Variants in PHACTR1 observed in about 807,000 individuals in gnomAD.
The protein encoded by PHACTR1 is phosphatase and actin regulator 1.
PHACTR1 carries 16 observed loss-of-function variants against 69.2 expected under a neutral mutation model. The observed-to-expected ratio is 0.23, with a 90% CI of 0.16 to 0.35. PHACTR1 has a LOEUF of 0.35. Ranked by LOEUF, PHACTR1 falls within the 10% of genes least tolerant of loss-of-function variation. The pLI is 1.00. For missense variants in PHACTR1, 510 were observed against 734.7 expected (o/e 0.69, Z 3.54); for synonymous variants, 312 against 284.5 (o/e 1.10, Z -0.97).
intron 4 of PHACTR1, among the ~76,000 whole-genome samples, chr6:12,831,664 A>G (rs1320201546): frequency 6.6e-6 from 1 of 152,136 alleles, no homozygotes; most frequent in Non-Finnish European, 1.5e-5. Flanking sequence ...TCCTTGACTG[A>G]CACAACAAGA....
intron 4 of PHACTR1, among the ~76,000 whole-genome samples, chr6:13,018,923 G>C (rs1297795238): frequency 3.3e-5 from 5 of 152,040 alleles, no homozygotes; most frequent in Non-Finnish European, 4.4e-5. Flanking sequence ...CTGTTGCCCA[G>C]GCTGGAGTGC....
intron 5 of PHACTR1, among the ~76,000 whole-genome samples, chr6:13,141,269 C>T (rs775606867): frequency 6.6e-6 from 1 of 152,176 alleles, no homozygotes; most frequent in Non-Finnish European, 1.5e-5. Context: ...CAGACCTTTA[C>T]TCAGATCAAC....
chr6:12,827,039 C>A (rs1253733047), intron 4 of PHACTR1, among the ~76,000 whole-genome samples: 1 of 152,196 alleles, frequency 6.6e-6, no homozygotes, highest in African/African-American at 2.4e-5. Flanking sequence ...TTCCCTCACT[C>A]GTTATCGTCC....
chr6:13,103,018 TAAG>T (rs1180456154), intron 5 of PHACTR1, among the ~76,000 whole-genome samples: 1 of 152,220 alleles, frequency 6.6e-6, no homozygotes, highest in African/African-American at 2.4e-5. Flanking sequence ...TTCTGGAACT[TAAG>T]AGGCTCAGTT....
chr6:13,165,811 T>C (rs1759715617), intron 6 of PHACTR1, among the ~76,000 whole-genome samples: 2 of 152,172 alleles, frequency 1.3e-5, no homozygotes, highest in Non-Finnish European at 2.9e-5. Context: ...ACTTCATTCA[T>C]GAGCCCTTAA....
At chr6:12,799,821 T>C (rs1187084019) in intron 4 of PHACTR1, among the ~76,000 whole-genome samples, 2 of 152,208 alleles carry the variant, frequency 1.3e-5, no homozygotes, top group African/African-American at 4.8e-5. Flanking sequence ...CTGTTACAGA[T>C]ATATTCACAA....
At chr6:13,149,831 A>AT (rs34449513) in intron 5 of PHACTR1, among the ~76,000 whole-genome samples, 68,004 of 145,730 alleles carry the variant, frequency 0.47, 15,812 homozygotes, top group African/African-American at 0.54. Context: ...TTTTTTTGCG[A>AT]TTTTTTTTTT....
Position 13,053,467 on chromosome 6 carries a change from G to C in PHACTR1, c.353G>C (p.Arg118Thr). The C allele has an allele frequency of 6.2e-7, 1 of 1,613,870 alleles. No individual in the cohort carries two copies. Among genetic ancestry groups the C allele is most frequent in the Admixed American group, 1.7e-5 (1 of 59,994 alleles). The change falls in exon 5 of 15, where the codon AGG (arginine) becomes ACG (threonine). Residue 118 changes from arginine (R) to threonine (T), a missense_variant. Physicochemically the swap from Arg to Thr is moderately conservative, Grantham distance 71 (BLOSUM62 -1). This residue lies in a region of PHACTR1 where 419 missense variants were observed against 530.9 expected (regional missense o/e 0.79). Transcript: ENST00000332995. ...AGAAGTAAGTTTGCCAACCTGGGAA[G>C]GATTTTCAAGCCTTGGAAATGGAGG... ...RRRSKFANLGRIFKPWKWRKK... is the reference protein window; with the variant it reads ...RRRSKFANLGTIFKPWKWRKK...
chr6:12,876,659 AC>A (rs1017770625), intron 4 of PHACTR1, among the ~76,000 whole-genome samples: 1 of 152,242 alleles, frequency 6.6e-6, no homozygotes, highest in African/African-American at 2.4e-5. Context: ...ATACACATCA[AC>A]AAAAAAAAGT....
At chr6:12,734,398 C>T (rs1320386166) in intron 3 of PHACTR1, among the ~76,000 whole-genome samples, 7 of 152,120 alleles carry the variant, frequency 4.6e-5, no homozygotes, top group Non-Finnish European at 1.0e-4. Flanking sequence ...TTGCCAAATA[C>T]TGCTTGAATT....
chr6:13,133,703 T>C (rs371695801), intron 5 of PHACTR1, among the ~76,000 whole-genome samples: 5 of 152,186 alleles, frequency 3.3e-5, no homozygotes, highest in East Asian at 3.9e-4. Flanking sequence ...TTGCAGCCTC[T>C]GCCTGGCTGC....
intron 4 of PHACTR1, among the ~76,000 whole-genome samples, chr6:12,849,643 A>G (rs1218670415): frequency 6.6e-6 from 1 of 152,110 alleles, no homozygotes; most frequent in African/African-American, 2.4e-5. Context: ...GCTTTGCAGA[A>G]CCGATGAGGC....
At chr6:13,076,976 G>A (rs966476086) in intron 5 of PHACTR1, among the ~76,000 whole-genome samples, 2 of 149,140 alleles carry the variant, frequency 1.3e-5, no homozygotes, top group African/African-American at 4.9e-5. Context: ...GATAGCATTG[G>A]GAGATCCTAA....
intron 4 of PHACTR1, among the ~76,000 whole-genome samples, chr6:13,025,705 G>GTGTGTGTC (rs1334742212): frequency 2.6e-5 from 4 of 151,832 alleles, no homozygotes; most frequent in Non-Finnish European, 4.4e-5. Context: ...GTGTGTGTGT[G>GTGTGTGTC]TGTGTCTGTG....
At chr6:13,216,762 A>T (rs1269583520) in intron 8 of PHACTR1, among the ~76,000 whole-genome samples, 1 of 152,184 alleles carries the variant, frequency 6.6e-6, no homozygotes, top group Admixed American at 6.5e-5. Flanking sequence ...TCCAAGGTAC[A>T]TGATGTGGTT....
intron 5 of PHACTR1, among the ~76,000 whole-genome samples, chr6:13,115,392 T>TTC (rs374784660): frequency 5.3e-5 from 8 of 151,186 alleles, no homozygotes; most frequent in African/African-American, 9.7e-5. Flanking sequence ...CTCTCTCCCT[T>TTC]TCTCTCTCTC....
At chr6:13,185,312 G>A (rs1228363508) in intron 7 of PHACTR1, among the ~76,000 whole-genome samples, 2 of 152,140 alleles carry the variant, frequency 1.3e-5, no homozygotes, top group Non-Finnish European at 1.5e-5. Flanking sequence ...AGGTGAAATC[G>A]ATTCAATGTC....
chr6:13,183,294 A>C (rs540467839), intron 7 of PHACTR1, among the ~76,000 whole-genome samples: 1 of 152,282 alleles, frequency 6.6e-6, no homozygotes, highest in Non-Finnish European at 1.5e-5. Context: ...AATTTGCCCC[A>C]AAATAGGTCC....
At chr6:12,976,074 T>A (rs1431344900) in intron 4 of PHACTR1, among the ~76,000 whole-genome samples, 3 of 152,146 alleles carry the variant, frequency 2.0e-5, no homozygotes, top group Non-Finnish European at 4.4e-5. Context: ...CCAACATCTA[T>A]GAAAAATAGA....
Sources: gnomAD v4.1 joint callset for allele counts (sites outside exome capture counted in the v4.1 genomes callset) on GRCh38, gnomAD v4.1.1 for gene constraint, gnomAD v4.1.1 regional missense constraint, MANE v1.5 for transcripts, NCBI Gene and HGNC (gene_info 2026-07-23, HGNC 2026-07-21) for gene names.